Variants in CDH18 observed in about 807,000 individuals in gnomAD.
CDH18 encodes the protein cadherin-18.
Under a neutral mutation model 67.9 loss-of-function variants are expected in CDH18, and 31 were observed. That is an observed-to-expected ratio of 0.46 (90% CI 0.34 to 0.62). The LOEUF (loss-of-function observed/expected upper bound fraction) is 0.62. Ranked by LOEUF, CDH18 falls within the 20% of genes least tolerant of loss-of-function variation. The pLI is 0.01. For synonymous variants in CDH18, 362 were observed against 347.2 expected (o/e 1.04, Z -0.48); for missense variants, 890 against 975.5 (o/e 0.91, Z 1.17).
chr5:20,087,487 A>C (rs1745066189), intron 2 of CDH18, among the ~76,000 whole-genome samples: 1 of 152,094 alleles, frequency 6.6e-6, no homozygotes, highest in Non-Finnish European at 1.5e-5. Flanking sequence ...GGGGAAAAAA[A>C]AAAAACAAAG....
intron 2 of CDH18, among the ~76,000 whole-genome samples, chr5:20,027,802 C>T (rs2150445345): frequency 1.3e-5 from 2 of 152,264 alleles, no homozygotes; most frequent in Middle Eastern, 6.8e-3. Flanking sequence ...AAATCACTAG[C>T]TGAGTCTGAC....
chr5:20,288,110 A>T (rs1472526808), intron 1 of CDH18, among the ~76,000 whole-genome samples: 1 of 151,644 alleles, frequency 6.6e-6, no homozygotes, highest in Non-Finnish European at 1.5e-5. Context: ...AATGCCATGC[A>T]ACCTACATAG....
chr5:19,669,767 A>T (rs1324026809), intron 5 of CDH18, among the ~76,000 whole-genome samples: 1 of 152,176 alleles, frequency 6.6e-6, no homozygotes, highest in Non-Finnish European at 1.5e-5. Context: ...GACTTTACTC[A>T]TGTATTCATT....
intron 2 of CDH18, among the ~76,000 whole-genome samples, chr5:19,935,593 T>G (rs1794160404): frequency 1.3e-5 from 2 of 151,344 alleles, no homozygotes; most frequent in Admixed American, 6.6e-5. Flanking sequence ...CATCTGGGTT[T>G]GTTTAAGCAC....
intron 2 of CDH18, among the ~76,000 whole-genome samples, chr5:20,241,894 A>G (rs967497155): frequency 3.5e-5 from 5 of 141,318 alleles, no homozygotes; most frequent in Non-Finnish European, 4.5e-5. Context: ...ATATATATGT[A>G]TATATATATA....
intron 2 of CDH18, among the ~76,000 whole-genome samples, chr5:20,010,796 T>C (rs567346677): frequency 1.6e-4 from 24 of 152,264 alleles, no homozygotes; most frequent in African/African-American, 5.8e-4. Flanking sequence ...TTTTACTGAG[T>C]ACTCAAATTT....
chr5:20,250,187 G>A (rs1743723686), intron 2 of CDH18, among the ~76,000 whole-genome samples: 1 of 152,062 alleles, frequency 6.6e-6, no homozygotes, highest in Non-Finnish European at 1.5e-5. Context: ...AAGACAATTT[G>A]TGTAAAATCT....
At chr5:19,603,670 T>C (rs1351415107) in intron 6 of CDH18, among the ~76,000 whole-genome samples, 1 of 151,448 alleles carries the variant, frequency 6.6e-6, no homozygotes, top group Non-Finnish European at 1.5e-5. Context: ...GTGATATTAC[T>C]ACCAAAATAT....
At chr5:19,579,045 T>G (rs1039627048) in intron 7 of CDH18, among the ~76,000 whole-genome samples, 1 of 152,032 alleles carries the variant, frequency 6.6e-6, no homozygotes, top group Non-Finnish European at 1.5e-5. Flanking sequence ...AATTAAATGA[T>G]ATAGCCCCAG....
At chr5:20,007,587 A>T (rs1213133960) in intron 2 of CDH18, among the ~76,000 whole-genome samples, 2 of 151,952 alleles carry the variant, frequency 1.3e-5, no homozygotes, top group Non-Finnish European at 2.9e-5. Context: ...AGAAAGTGTG[A>T]ATAGTGCAGA....
chr5:19,910,660 A>C (rs2150136938), intron 2 of CDH18, among the ~76,000 whole-genome samples: 1 of 152,286 alleles, frequency 6.6e-6, no homozygotes, highest in South Asian at 2.1e-4. Context: ...ACATCAAATC[A>C]AAATAAAAAG....
chr5:19,531,044 C>T (rs369289306), intron 9 of CDH18, among the ~76,000 whole-genome samples: 4 of 152,176 alleles, frequency 2.6e-5, no homozygotes, highest in East Asian at 1.9e-4. Flanking sequence ...TCTTCTGCAT[C>T]GCTCACGCTG....
At chr5:19,996,738 A>G (rs993833984) in intron 2 of CDH18, among the ~76,000 whole-genome samples, 1 of 151,862 alleles carries the variant, frequency 6.6e-6, no homozygotes, top group Non-Finnish European at 1.5e-5. Flanking sequence ...TTTCTCTATC[A>G]TGTTATTGCT....
intron 1 of CDH18, among the ~76,000 whole-genome samples, chr5:20,487,033 C>T (rs1355742181): frequency 6.6e-6 from 1 of 152,120 alleles, no homozygotes; most frequent in Non-Finnish European, 1.5e-5. Flanking sequence ...CTCATGTTCC[C>T]CTGACTGCGT....
intron 2 of CDH18, among the ~76,000 whole-genome samples, chr5:20,192,785 G>A (rs574775943): frequency 6.6e-6 from 1 of 152,252 alleles, no homozygotes; most frequent in South Asian, 2.1e-4. Flanking sequence ...CAGGTAGCAT[G>A]ATGCCTCCAG....
At chr5:20,366,650 A>T (rs561617309) in intron 1 of CDH18, among the ~76,000 whole-genome samples, 2 of 152,184 alleles carry the variant, frequency 1.3e-5, no homozygotes, top group Non-Finnish European at 2.9e-5. Context: ...CTAACAGTGG[A>T]AGTAATAATA....
chr5:19,758,213 T>TTAAC (rs1771879859), intron 3 of CDH18, among the ~76,000 whole-genome samples: 1 of 152,202 alleles, frequency 6.6e-6, no homozygotes, highest in Non-Finnish European at 1.5e-5. Context: ...TATGGCTAGA[T>TTAAC]GGGTCAGAAA....
chr5:20,266,362 T>C (rs1745030596), intron 1 of CDH18, among the ~76,000 whole-genome samples: 1 of 152,102 alleles, frequency 6.6e-6, no homozygotes, highest in Non-Finnish European at 1.5e-5. Flanking sequence ...AAGATATAAA[T>C]ATAGAAATTA....
At chr5:19,838,016 T>G (rs778578639) in intron 3 of CDH18, among the ~76,000 whole-genome samples, 3 of 152,116 alleles carry the variant, frequency 2.0e-5, no homozygotes, top group Non-Finnish European at 4.4e-5. Context: ...ACCACAAAAT[T>G]TCCTGAACAG....
Sources: gnomAD v4.1 joint callset for allele counts (sites outside exome capture counted in the v4.1 genomes callset) on GRCh38, gnomAD v4.1.1 for gene constraint, MANE v1.5 for transcripts, NCBI Gene and HGNC (gene_info 2026-07-23, HGNC 2026-07-21) for gene names.